The following PLA2G6 variants were observed in gnomAD, a reference collection of about 807,000 sequenced individuals.
PLA2G6 encodes phospholipase A2 group VI, also known as 85/88 kDa calcium-independent phospholipase A2.
Under a neutral mutation model 83.8 loss-of-function variants are expected in PLA2G6, and 62 were observed. That is an observed-to-expected ratio of 0.74 (90% CI 0.60 to 0.91). The LOEUF (loss-of-function observed/expected upper bound fraction) is 0.91, where lower values mean the gene tolerates loss of function less well. Ranked by LOEUF, PLA2G6 falls within the 40% of genes least tolerant of loss-of-function variation. PLA2G6 has a pLI of 0.00. For missense variants in PLA2G6, 944 were observed against 1,102.0 expected (o/e 0.86, Z 2.03); for synonymous variants, 417 against 449.8 (o/e 0.93, Z 0.92).
At chr22:38,125,161 T>G (rs2087764102) in intron 10 of PLA2G6, among the ~76,000 whole-genome samples, 1 of 152,190 alleles carries the variant, frequency 6.6e-6, no homozygotes, top group Non-Finnish European at 1.5e-5. Flanking sequence ...TGGGTGTCCA[T>G]GTGCATGCAT....
intron 12 of PLA2G6, among the ~76,000 whole-genome samples, chr22:38,118,326 A>C (rs2087329561): frequency 6.6e-6 from 1 of 152,168 alleles, no homozygotes; most frequent in Non-Finnish European, 1.5e-5. Flanking sequence ...ATTAAAGCTT[A>C]GCTGTTGTAG....
At chr22:38,126,110 G>A (rs533668365) in intron 10 of PLA2G6, 1 of 552,244 alleles carries the variant, frequency 1.8e-6, no homozygotes, top group East Asian at 3.8e-5. Context: ...AGGGAGGCCA[G>A]AACACTGCGC....
chr22:38,125,836 G>A (rs922119510), intron 10 of PLA2G6: 86 of 403,276 alleles, frequency 2.1e-4, no homozygotes, highest in Non-Finnish European at 4.1e-4. Context: ...GTACCTTGCC[G>A]TGCCAGCTGG....
chr22:38,115,724 G>A (rs1293670036), intron 13 of PLA2G6, 43 bp from the exon 14 acceptor site: 7 of 1,566,370 alleles, frequency 4.5e-6, no homozygotes, highest in Middle Eastern at 4.5e-4. Context: ...ACAAGGGACT[G>A]GCATAAAACC....
chr22:38,123,114 C>T lies in PLA2G6; in HGVS notation c.1572G>A (p.Leu524=), dbSNP rs2087619552. ...CCTCACTGTGCAGAATGGCCAGGGC[C>T]AGGATGCCTCCAGTGCTGGTGCCCG... ...WVAGTSTGGI[L]ALAILHSKSM... The change falls in exon 11 of 17, where the codon CTG becomes CTA. Residue 524 remains leucine, a synonymous_variant. Coordinates refer to ENST00000332509, the MANE Select transcript of PLA2G6 (RefSeq NM_003560.4). The surrounding 1 kb of genome is among the most constrained non-coding windows in gnomAD (Gnocchi z 4.1). 1 of 1,549,526 alleles carries T rather than the reference C, an allele frequency of 6.5e-7. No individual in the cohort carries two copies. The highest frequency in any genetic ancestry group is 8.7e-7 in the Non-Finnish European group (1 of 1,147,182).
Position 38,128,089 on chromosome 22 carries a change from C to G in PLA2G6, c.1348+180G>C, listed in dbSNP as rs918745138. On this transcript the variant is annotated intron_variant, in intron 9 of 16. Transcript: ENST00000332509. The surrounding 1 kb of genome is among the most constrained non-coding windows in gnomAD (Gnocchi z 4.4). ...GAGCATGGGACATCAGCCAGGGACA[C>G]CCTAGGCCTCTGGGATCTGTGGGTT... is the stretch of plus-strand genomic sequence containing the variant. 1.6e-6 allele frequency: 1 copy of G among 641,302 alleles called. No individual in the cohort carries two copies. Among genetic ancestry groups the G allele is most frequent in the Non-Finnish European group, 2.8e-6 (1 of 361,498 alleles). The allele number at this position is 641,302 out of a possible 1,614,324, so 39.7% of individuals were successfully genotyped here.
rs771731816 is a variant in PLA2G6 at position 38,112,228 on chromosome 22, G to T, written c.2354C>A (p.Thr785Asn). The T allele has an allele frequency of 1.9e-6, 3 of 1,612,720 alleles. No individual in the cohort carries two copies. The highest frequency in any genetic ancestry group is 2.5e-6 in the Non-Finnish European group (3 of 1,179,532). Residue 785 changes from threonine to asparagine, a missense_variant, in exon 17 of 17, where the codon ACC becomes AAC. Physicochemically the swap from Thr to Asn is moderately conservative, Grantham distance 65 (BLOSUM62 0). Coordinates refer to ENST00000332509, the MANE Select transcript of PLA2G6 (RefSeq NM_003560.4). ...DTVLVNALWETEVYIYEHREE... is the reference protein window; with the variant it reads ...DTVLVNALWENEVYIYEHREE... ...GCGGTGCTCATAGATGTAGACCTCG[G>T]TCTCCCAGAGGGCGTTGACCAGCAC...
chr22:38,151,664 C>T (rs2089567800), intron 2 of PLA2G6, among the ~76,000 whole-genome samples: 1 of 152,150 alleles, frequency 6.6e-6, no homozygotes. Flanking sequence ...GATGGTATAG[C>T]GTCTTGTTGG....
At chr22:38,180,140 GACACACACACACACACACAC>G (rs133028) in intron 1 of PLA2G6, among the ~76,000 whole-genome samples, 10 of 137,916 alleles carry the variant, frequency 7.3e-5, no homozygotes, top group East Asian at 2.1e-4. Flanking sequence ...GATGTCTGCA[GACACACACACACACACACAC>G]ACACACACAC....
At position 38,122,771 on chromosome 22, in the gene PLA2G6, C is replaced by A. The variant is rs193134021; in HGVS notation, c.1591+324G>T. Among the ~76,000 whole-genome samples the A allele has an allele frequency of 1.9e-3, 293 of 152,314 alleles. 1 individual carries two copies. Among genetic ancestry groups the A allele is most frequent in the African/African-American group, 6.5e-3 (271 of 41,570 alleles). ...CCTTATGTGCAGCAGGCTGTGTGGC[C>A]CCTGGTGCCTGCTTTGCAGGGGTGA... On this transcript the variant is annotated intron_variant, in intron 11 of 16. Transcript: ENST00000332509.
At chr22:38,175,499 A>T (rs2090598758) in intron 1 of PLA2G6, among the ~76,000 whole-genome samples, 1 of 152,174 alleles carries the variant, frequency 6.6e-6, no homozygotes, top group African/African-American at 2.4e-5. Context: ...CGATCTTCCC[A>T]GAACACGTCA....
intron 1 of PLA2G6, chr22:38,180,236 T>C (rs925188628): frequency 3.2e-4 from 49 of 151,630 alleles, no homozygotes; most frequent in African/African-American, 1.2e-3. Context: ...TTCTGCTGAG[T>C]AAGAGGGAAA....
At position 38,171,025 on chromosome 22, in the gene PLA2G6, A is replaced by T. The variant is rs566880148; in HGVS notation, c.-45-1554T>A. On this transcript the variant is annotated intron_variant, in intron 1 of 16. Coordinates refer to ENST00000332509, the MANE Select transcript of PLA2G6 (RefSeq NM_003560.4). ...GTCTCTACTAAAAATACAAAAAATT[A>T]GCCAGGCATGGTGGCGCATGCCTGT... Among the ~76,000 whole-genome samples the T allele has an allele frequency of 1.8e-4, 28 of 152,204 alleles. No homozygotes were observed. In the South Asian group the frequency reaches 5.0e-3, roughly 27 times the overall value.
At chr22:38,127,046 C>G in intron 9 of PLA2G6, 1 of 1,099,204 alleles carries the variant, frequency 9.1e-7, no homozygotes, top group South Asian at 2.4e-5. Flanking sequence ...TCCTTTGTGT[C>G]CAAGGCCTGC....
chr22:38,119,169 G>A (rs936517090), intron 12 of PLA2G6, among the ~76,000 whole-genome samples: 2 of 152,106 alleles, frequency 1.3e-5, no homozygotes, highest in Non-Finnish European at 2.9e-5. Context: ...GGCCAAGGTG[G>A]AGGATCTGCC....
intron 14 of PLA2G6, chr22:38,113,985 G>C (rs578221925): frequency 7.2e-6 from 3 of 416,912 alleles, no homozygotes; most frequent in African/African-American, 2.0e-5. Context: ...AAGGCAGACG[G>C]TGTTCCTTGG....
At chr22:38,148,856 TTTC>T (rs1339513855) in intron 2 of PLA2G6, 58 of 252,016 alleles carry the variant, frequency 2.3e-4, no homozygotes, top group African/African-American at 1.4e-3. Context: ...CTCTAGATTA[TTTC>T]TTTTTTTTTT....
intron 2 of PLA2G6, among the ~76,000 whole-genome samples, chr22:38,153,027 TA>T (rs1203893509): frequency 6.6e-6 from 1 of 151,544 alleles, no homozygotes; most frequent in Non-Finnish European, 1.5e-5. Context: ...CCATGGACTA[TA>T]AAGGAGGGTG....
intron 7 of PLA2G6, chr22:38,130,470 A>G (rs2088141795): frequency 6.6e-6 from 1 of 152,042 alleles, no homozygotes; most frequent in Non-Finnish European, 1.5e-5. Flanking sequence ...GGTGCCCACC[A>G]CTACGCCCAG....
Sources: gnomAD v4.1 joint callset for allele counts (sites outside exome capture counted in the v4.1 genomes callset) on GRCh38, gnomAD v4.1.1 for gene constraint, Gnocchi (gnomAD v3.1) non-coding constraint, MANE v1.5 for transcripts, NCBI Gene and HGNC (gene_info 2026-07-23, HGNC 2026-07-21) for gene names.